The following PXDNL variants were observed in gnomAD, a reference collection of about 807,000 sequenced individuals.
PXDNL encodes the protein probable oxidoreductase PXDNL.
PXDNL carries 145 observed loss-of-function variants against 150.8 expected under a neutral mutation model. The ratio of observed to expected loss-of-function variants is 0.96; its 90% CI spans 0.84 to 1.10. The LOEUF (loss-of-function observed/expected upper bound fraction) is 1.10. Among genes scored for constraint, PXDNL ranks in the 50% least tolerant of loss-of-function variants. The pLI is 0.00. For missense variants in PXDNL, 2,087 were observed against 1,873.9 expected (o/e 1.11, Z -2.10); for synonymous variants, 757 against 725.7 (o/e 1.04, Z -0.69).
chr8:51,378,975 C>G (rs1807450239), intron 17 of PXDNL, among the ~76,000 whole-genome samples: 2 of 152,204 alleles, frequency 1.3e-5, no homozygotes, highest in African/African-American at 4.8e-5. Context: ...ATTCTGGACA[C>G]ACAATCACAG....
chr8:51,347,674 G>A (rs950581387), intron 19 of PXDNL, among the ~76,000 whole-genome samples: 2 of 150,978 alleles, frequency 1.3e-5, no homozygotes, highest in African/African-American at 2.5e-5. Flanking sequence ...TCTGGAGGCC[G>A]GGTGCAGTGG....
intron 1 of PXDNL, among the ~76,000 whole-genome samples, chr8:51,678,152 G>A (rs936166625): frequency 1.3e-5 from 2 of 152,190 alleles, no homozygotes; most frequent in East Asian, 1.9e-4. Context: ...TTGTCCTGAC[G>A]CAGCTCTGGC....
At chr8:51,448,231 G>C (rs1028951693) in intron 11 of PXDNL, among the ~76,000 whole-genome samples, 1 of 152,198 alleles carries the variant, frequency 6.6e-6, no homozygotes, top group Non-Finnish European at 1.5e-5. Context: ...TTCCCTGTAA[G>C]TGTCTGGCGC....
intron 8 of PXDNL, among the ~76,000 whole-genome samples, chr8:51,468,327 G>A (rs1027634617): frequency 1.3e-5 from 2 of 151,802 alleles, no homozygotes; most frequent in African/African-American, 4.8e-5. Flanking sequence ...GGTATATAAA[G>A]GTTCATGAAT....
chr8:51,724,716 C>T (rs1371197389), intron 1 of PXDNL, among the ~76,000 whole-genome samples: 1 of 152,178 alleles, frequency 6.6e-6, no homozygotes, highest in Non-Finnish European at 1.5e-5. Flanking sequence ...CTGTAGAAGC[C>T]ATCTTAGCCC....
chr8:51,575,509 G>A (rs551278486), intron 3 of PXDNL, among the ~76,000 whole-genome samples: 2 of 152,114 alleles, frequency 1.3e-5, no homozygotes, highest in African/African-American at 2.4e-5. Flanking sequence ...GAGGTCAGGA[G>A]TTCTAGACCA....
chr8:51,482,036 G>A (rs2082280), intron 6 of PXDNL, among the ~76,000 whole-genome samples: 30,218 of 152,060 alleles, frequency 0.2, 3,268 homozygotes, highest in African/African-American at 0.26. Context: ...TCCAGATCCC[G>A]GAATGGTAGA....
Position 51,449,033 on chromosome 8 carries a change from G to A in PXDNL, c.1335C>T (p.Asn445=). Residue 445 remains asparagine (N), a synonymous_variant, in exon 11 of 23, where the codon AAC becomes AAT. Coordinates refer to ENST00000356297, the MANE Select transcript of PXDNL (RefSeq NM_144651.5). ...TTGTCCAGACAATAACAGGAGGTGG[G>A]TTGCCGTCAGCTTCACAGAGCCACT... ...AVEWLCEADG[N]PPPVIVWTKT... 2 of 1,550,680 alleles carry A rather than the reference G, an allele frequency of 1.3e-6. No homozygotes were observed. The highest frequency in any genetic ancestry group is 1.7e-6 in the Non-Finnish European group (2 of 1,145,776).
intron 1 of PXDNL, among the ~76,000 whole-genome samples, chr8:51,712,959 C>T (rs1381653264): frequency 6.6e-6 from 1 of 152,126 alleles, no homozygotes; most frequent in Admixed American, 6.6e-5. Context: ...AATAAAAAAT[C>T]TGGAAGGCTG....
intron 1 of PXDNL, among the ~76,000 whole-genome samples, chr8:51,701,797 G>A (rs1341257382): frequency 9.2e-6 from 1 of 108,688 alleles, no homozygotes; most frequent in Non-Finnish European, 1.8e-5. Context: ...TAAAAGCAAG[G>A]ACAAGATTTT....
chr8:51,335,597 A>T (rs1805809129), intron 21 of PXDNL, among the ~76,000 whole-genome samples: 1 of 151,766 alleles, frequency 6.6e-6, no homozygotes, highest in East Asian at 1.9e-4. Flanking sequence ...ACATTTTTGT[A>T]ATATCTGTGA....
Position 51,670,232 on chromosome 8 carries a change from G to GTC in PXDNL, c.165-15474_165-15473dup, listed in dbSNP as rs530414903. On this transcript the variant is annotated intron_variant, in intron 1 of 22. Coordinates refer to ENST00000356297, the MANE Select transcript of PXDNL (RefSeq NM_144651.5). ...GCCTGAGCAACAAGAGTGAAATTCC[G>GTC]TCTCACACACACACACACACAAAAG... Among the ~76,000 whole-genome samples the GTC allele has an allele frequency of 5.7e-5, 6 of 105,682 alleles. No individual in the cohort carries two copies. In the East Asian group the frequency reaches 1.2e-3, roughly 22 times the overall value. 69.3% of individuals were successfully genotyped at this position (105,682 alleles called of 152,430 possible). A position where few individuals can be genotyped will look rare whatever the true frequency, so the allele number is the denominator to read the frequency against.
intron 2 of PXDNL, among the ~76,000 whole-genome samples, chr8:51,620,574 C>G (rs956654007): frequency 6.6e-6 from 1 of 151,102 alleles, no homozygotes; most frequent in East Asian, 1.9e-4. Context: ...GACAGAGTCT[C>G]GCTCTGTCAC....
chr8:51,587,375 C>A (rs1258120584), intron 3 of PXDNL, among the ~76,000 whole-genome samples: 1 of 152,088 alleles, frequency 6.6e-6, no homozygotes, highest in African/African-American at 2.4e-5. Flanking sequence ...CAAAGATATT[C>A]TCAAACAATT....
At chr8:51,724,292 A>C (rs1016240648) in intron 1 of PXDNL, among the ~76,000 whole-genome samples, 1 of 152,178 alleles carries the variant, frequency 6.6e-6, no homozygotes, top group African/African-American at 2.4e-5. Flanking sequence ...GGACAGGCCT[A>C]TAAGGAACAG....
chr8:51,329,095 A>G (rs1453238272), intron 21 of PXDNL, among the ~76,000 whole-genome samples: 2 of 152,186 alleles, frequency 1.3e-5, no homozygotes, highest in Admixed American at 1.3e-4. Flanking sequence ...AGGTGGAGAA[A>G]AGGCCACAGT....
At chr8:51,795,478 CAAGAT>C (rs1385615082) in intron 1 of PXDNL, among the ~76,000 whole-genome samples, 3 of 152,144 alleles carry the variant, frequency 2.0e-5, no homozygotes, top group South Asian at 2.1e-4. Flanking sequence ...AATTAGAACT[CAAGAT>C]AAAGAAACTC....
chr8:51,359,481 A>G (rs564462212), intron 19 of PXDNL, among the ~76,000 whole-genome samples: 1 of 152,304 alleles, frequency 6.6e-6, no homozygotes, highest in South Asian at 2.1e-4. Context: ...TAGCAAAAAT[A>G]TAAAAGAGAG....
chr8:51,570,250 C>T (rs1051160970), intron 3 of PXDNL, among the ~76,000 whole-genome samples: 9 of 149,526 alleles, frequency 6.0e-5, no homozygotes, highest in Non-Finnish European at 1.0e-4. Context: ...GAAAACATGA[C>T]GCTGTGGGTT....
Sources: gnomAD v4.1 joint callset for allele counts (sites outside exome capture counted in the v4.1 genomes callset) on GRCh38, gnomAD v4.1.1 for gene constraint, MANE v1.5 for transcripts, NCBI Gene and HGNC (gene_info 2026-07-23, HGNC 2026-07-21) for gene names.